SYT1: variants seen among roughly 807,000 people sequenced by gnomAD.
SYT1 encodes the protein synaptotagmin-1.
SYT1 carries 8 observed loss-of-function variants against 44.8 expected under a neutral mutation model. The observed-to-expected ratio is 0.18, with a 90% confidence interval of 0.10 to 0.32. The LOEUF (loss-of-function observed/expected upper bound fraction) is 0.32, where lower values mean the gene tolerates loss of function less well. Among genes scored for constraint, SYT1 ranks in the 10% least tolerant of loss-of-function variants. The pLI, the probability that SYT1 is intolerant of heterozygous loss-of-function variation, is 1.00. For missense variants in SYT1, 286 were observed against 509.3 expected (o/e 0.56, Z 4.22); for synonymous variants, 154 against 188.8 (o/e 0.82, Z 1.51).
At chr12:79,344,544 T>A (rs1054266402) in intron 8 of SYT1, among the ~76,000 whole-genome samples, 1 of 152,070 alleles carries the variant, frequency 6.6e-6, no homozygotes, top group South Asian at 2.1e-4. Context: ...CCTCCACCTC[T>A]TGGGCCCAAG....
At chr12:79,327,442 G>A (rs895026081) in intron 8 of SYT1, among the ~76,000 whole-genome samples, 2 of 152,178 alleles carry the variant, frequency 1.3e-5, no homozygotes, top group Admixed American at 1.3e-4. Flanking sequence ...TCCAAAGCCT[G>A]TGCTCTAGGT....
chr12:79,201,089 C>T (rs1326767111), intron 3 of SYT1, among the ~76,000 whole-genome samples: 2 of 152,060 alleles, frequency 1.3e-5, no homozygotes, highest in East Asian at 3.9e-4. Context: ...ATTGTTGATG[C>T]CATGGAGCCT....
At chr12:79,213,777 T>C (rs929808987) in intron 3 of SYT1, among the ~76,000 whole-genome samples, 80 of 152,178 alleles carry the variant, frequency 5.3e-4, no homozygotes, top group African/African-American at 1.8e-3. Context: ...ATACAAAAAT[T>C]AGTCAGGTGT....
intron 3 of SYT1, among the ~76,000 whole-genome samples, chr12:79,184,720 T>C (rs192158374): frequency 1.3e-5 from 2 of 152,210 alleles, no homozygotes; most frequent in African/African-American, 2.4e-5. Flanking sequence ...AAAACTCTTA[T>C]GTTTCAGCTC....
At chr12:78,886,108 G>A (rs1025611922) in intron 1 of SYT1, among the ~76,000 whole-genome samples, 1 of 151,818 alleles carries the variant, frequency 6.6e-6, no homozygotes, top group Non-Finnish European at 1.5e-5. Flanking sequence ...CAGCCACTTT[G>A]CCAGCTAATT....
At chr12:79,163,417 T>C (rs932578434) in intron 3 of SYT1, among the ~76,000 whole-genome samples, 1 of 152,032 alleles carries the variant, frequency 6.6e-6, no homozygotes, top group African/African-American at 2.4e-5. Flanking sequence ...TAGGCTACAG[T>C]ATCAATAATG....
chr12:79,276,953 A>AGGG (rs1482294073), intron 4 of SYT1, among the ~76,000 whole-genome samples: 2 of 144,024 alleles, frequency 1.4e-5, no homozygotes, highest in South Asian at 2.3e-4. Flanking sequence ...AAGAAGGAAG[A>AGGG]AGGAGGAGGA....
At chr12:79,062,364 G>C (rs1166814368) in intron 3 of SYT1, among the ~76,000 whole-genome samples, 1 of 152,144 alleles carries the variant, frequency 6.6e-6, no homozygotes, top group Non-Finnish European at 1.5e-5. Flanking sequence ...TCAATGTTCT[G>C]TTACAAATAA....
Position 79,172,969 on chromosome 12 carries a change from CAAAAAAAAAAAAAAAAAAAAAAA to C in SYT1, c.-17-44519_-17-44497del, listed in dbSNP as rs200575966. ...TTCAGGTTACTAGAGTTCCTGCTCT[CAAAAAAAAAAAAAAAAAAAAAAA>C]AAAAAAAAAAAAAAGGGAGTTTGGC... On this transcript the variant is annotated intron_variant, in intron 3 of 10. Transcript: ENST00000261205. Among the ~76,000 whole-genome samples the C allele has an allele frequency of 5.1e-4, 8 of 15,728 alleles. No homozygotes were observed. In the East Asian group the frequency reaches 9.1e-3, roughly 18 times the overall value. 10.3% of individuals were successfully genotyped at this position (15,728 alleles called of 152,430 possible). A position where few individuals can be genotyped will look rare whatever the true frequency, so the allele number is the denominator to read the frequency against.
At chr12:78,922,095 T>A (rs967523600) in intron 1 of SYT1, among the ~76,000 whole-genome samples, 2 of 151,862 alleles carry the variant, frequency 1.3e-5, no homozygotes, top group African/African-American at 4.8e-5. Flanking sequence ...TATCCTAGGG[T>A]TTACTTGACT....
intron 4 of SYT1, among the ~76,000 whole-genome samples, chr12:79,224,998 C>T (rs1322629809): frequency 6.6e-6 from 1 of 151,700 alleles, no homozygotes; most frequent in Non-Finnish European, 1.5e-5. Context: ...TCAGGCTGGT[C>T]TCGAACTCCC....
At chr12:79,405,626 C>T (rs938842969) in intron 9 of SYT1, among the ~76,000 whole-genome samples, 1 of 152,138 alleles carries the variant, frequency 6.6e-6, no homozygotes, top group Admixed American at 6.6e-5. Flanking sequence ...CAGTTAAGAA[C>T]ACATTGGGCT....
At chr12:78,869,550 T>C (rs1467167987) in intron 1 of SYT1, among the ~76,000 whole-genome samples, 2 of 151,948 alleles carry the variant, frequency 1.3e-5, no homozygotes, top group Non-Finnish European at 2.9e-5. Flanking sequence ...CAATTTAAAA[T>C]ATAATATTAG....
intron 1 of SYT1, among the ~76,000 whole-genome samples, chr12:78,885,343 G>GGAAGGAAGGAAC (rs1874682844): frequency 2.0e-5 from 3 of 147,248 alleles, no homozygotes; most frequent in South Asian, 4.4e-4. Flanking sequence ...AAGGAAGAAA[G>GGAAGGAAGGAAC]GAAGGAAGGA....
At chr12:79,048,580 G>A (rs1043677460) in intron 3 of SYT1, among the ~76,000 whole-genome samples, 1 of 151,736 alleles carries the variant, frequency 6.6e-6, no homozygotes, top group South Asian at 2.1e-4. Context: ...AGTTATGAAC[G>A]GCCATATATT....
intron 1 of SYT1, among the ~76,000 whole-genome samples, chr12:78,921,211 G>A (rs1018428037): frequency 1.3e-5 from 2 of 151,706 alleles, no homozygotes; most frequent in Non-Finnish European, 2.9e-5. Context: ...TTAGCATAGG[G>A]GAATACTTTA....
At chr12:79,059,679 A>C (rs1048796113) in intron 3 of SYT1, among the ~76,000 whole-genome samples, 1 of 152,086 alleles carries the variant, frequency 6.6e-6, no homozygotes, top group Admixed American at 6.6e-5. Context: ...AACAATTATG[A>C]AAGTGGCTTG....
At chr12:79,325,220 A>G (rs188323518) in intron 8 of SYT1, among the ~76,000 whole-genome samples, 1 of 152,376 alleles carries the variant, frequency 6.6e-6, no homozygotes, top group Admixed American at 6.5e-5. Flanking sequence ...TCTCATGGTT[A>G]AGGAGCGCTA....
At chr12:79,079,012 C>A (rs17046341) in intron 3 of SYT1, among the ~76,000 whole-genome samples, 3,602 of 152,176 alleles carry the variant, frequency 0.024, 75 homozygotes, top group Middle Eastern at 0.075. Context: ...ATGAGATCCA[C>A]CTAAAAATTC....
Sources: allele counts gnomAD v4.1 joint callset (sites outside exome capture counted in the v4.1 genomes callset), GRCh38; gene constraint gnomAD v4.1.1; transcripts MANE v1.5; gene names NCBI Gene and HGNC (gene_info 2026-07-23, HGNC 2026-07-21).